CADPS: variants seen among roughly 807,000 people sequenced by gnomAD.
CADPS encodes the protein calcium dependent secretion activator, also known as calcium-dependent secretion activator 1.
In CADPS, 57 loss-of-function variants were observed where a neutral mutation model predicts 167.3. The observed-to-expected ratio is 0.34, with a 90% CI of 0.28 to 0.42. The LOEUF (loss-of-function observed/expected upper bound fraction) is 0.42. CADPS is among the 20% of genes least tolerant of loss of function. The pLI is 1.00. For synonymous variants in CADPS, 676 were observed against 635.3 expected, an observed-to-expected ratio of 1.06 and a Z score of -0.96; for missense variants, 1,414 against 1,738.1, an observed-to-expected ratio of 0.81 and a Z score of 3.32.
At chr3:62,817,859 A>G (rs986437223) in intron 1 of CADPS, among the ~76,000 whole-genome samples, 1 of 152,186 alleles carries the variant, frequency 6.6e-6, no homozygotes, top group East Asian at 1.9e-4. Flanking sequence ...TGCAGATTGC[A>G]TGTGGCCTTC....
chr3:62,812,896 G>A (rs1014312426), intron 1 of CADPS, among the ~76,000 whole-genome samples: 4 of 152,124 alleles, frequency 2.6e-5, no homozygotes, highest in African/African-American at 7.2e-5. Context: ...GAAATTAAAT[G>A]AGCTGTTTTC....
Position 62,438,081 on chromosome 3 carries a change from AG to A in CADPS, c.3777+22del. 2 of 1,516,754 alleles carry A rather than the reference AG, an allele frequency of 1.3e-6. No homozygotes were observed. The highest frequency in any genetic ancestry group is 2.3e-5 in the South Asian group (2 of 88,302). 94.0% of individuals were successfully genotyped at this position (1,516,754 alleles called of 1,614,324 possible). ...TGGAGGGTCTCCTCCTTGGTTTTCA[AG>A]GAGGAGAAGGCATTTACTTACATCA... On this transcript the variant is annotated intron_variant, in intron 28 of 29. Transcript: ENST00000383710. The surrounding 1 kb of genome is among the most constrained non-coding windows in gnomAD (Gnocchi z 4.7).
At position 62,585,236 on chromosome 3, in the gene CADPS, T is replaced by C. The variant is rs758600665; in HGVS notation, c.1526A>G (p.Lys509Arg). 1.2e-6 allele frequency: 2 copies of C among 1,614,072 alleles called. No individual in the cohort carries two copies. Among genetic ancestry groups the C allele is most frequent in the South Asian group, 1.1e-5 (1 of 91,080 alleles). The change falls in exon 8 of 30, where the codon AAA becomes AGA. Residue 509 changes from lysine (K) to arginine (R), a missense_variant. Lys to Arg is a conservative substitution (Grantham distance 26, BLOSUM62 2). Transcript: ENST00000383710. ...ATCCATTCGGACAGCAAGTTTGATT[T>C]TGAGATCTTGGTCGGGGCAGTTTTT... Reference protein sequence around the residue: ...VSKNCPDQDLKIKLAVRMDKP... With the variant: ...VSKNCPDQDLRIKLAVRMDKP...
chr3:62,852,112 G>T (rs9866730), intron 1 of CADPS, among the ~76,000 whole-genome samples: 19,329 of 147,622 alleles, frequency 0.13, 1,318 homozygotes, highest in African/African-American at 0.15. Flanking sequence ...TCGAGCCTTG[G>T]TTTTCAGCTC....
intron 3 of CADPS, among the ~76,000 whole-genome samples, chr3:62,731,835 A>AAAAAAAAAAAAAAAAAAAAG (rs568495417): frequency 9.1e-6 from 1 of 110,242 alleles, no homozygotes; most frequent in Non-Finnish European, 1.8e-5. Flanking sequence ...AAAAAAGTAA[A>AAAAAAAAAAAAAAAAAAAAG]GAAGGAAGAA....
rs1389969311 is a variant in CADPS, at chr3:62,753,233, G to A, written c.888+208C>T. ...CCTAGGGCCCCTGAGACTTTTAAGG[G>A]CTCATAAAAATGTTTTATTTATTTA... On this transcript the variant is annotated intron_variant, in intron 3 of 29. Transcript: ENST00000383710. The surrounding 1 kb of genome is among the most constrained non-coding windows in gnomAD (Gnocchi z 4.6). 6.6e-6 allele frequency among the ~76,000 whole-genome samples: 1 copy of A among 152,066 alleles called. No homozygotes were observed. The highest frequency in any genetic ancestry group is 2.4e-5 in the African/African-American group (1 of 41,384).
chr3:62,481,016 CCTAT>C (rs2061942140), intron 22 of CADPS, among the ~76,000 whole-genome samples: 1 of 152,052 alleles, frequency 6.6e-6, no homozygotes, highest in East Asian at 1.9e-4. Context: ...AAAGCATAGC[CCTAT>C]ATTCAGATGA....
At position 62,542,800 on chromosome 3, in the gene CADPS, AT is replaced by A. The variant is rs146008495; in HGVS notation, c.1967-6220del. Among the ~76,000 whole-genome samples, 463 of 152,286 alleles carry A rather than the reference AT, an allele frequency of 3.0e-3. 4 individuals carry two copies. The highest frequency in any genetic ancestry group is 0.011 in the African/African-American group (447 of 41,554). ...TATTTCAATGTTAATTTCTATAATTATTTGTCAGACAATTGCTTTGAGTAAA... is the reference window on the plus strand; with the variant it reads ...TATTTCAATGTTAATTTCTATAATTATTGTCAGACAATTGCTTTGAGTAAA... On this transcript the variant is annotated intron_variant, in intron 11 of 29. Transcript: ENST00000383710.
chr3:62,853,997 G>A (rs1412715700), intron 1 of CADPS, among the ~76,000 whole-genome samples: 1 of 152,080 alleles, frequency 6.6e-6, no homozygotes, highest in Non-Finnish European at 1.5e-5. Context: ...GACAAAGTAA[G>A]TAAAAAGAAA....
At chr3:62,797,372 C>T (rs148545282) in intron 1 of CADPS, among the ~76,000 whole-genome samples, 1 of 152,238 alleles carries the variant, frequency 6.6e-6, no homozygotes, top group African/African-American at 2.4e-5. Context: ...ACTTTGCATG[C>T]AGTAGACGCC....
intron 9 of CADPS, among the ~76,000 whole-genome samples, chr3:62,559,165 T>A (rs4447757): frequency 0.23 from 34,489 of 152,194 alleles, 4,647 homozygotes; most frequent in African/African-American, 0.37. Context: ...TTTGACACAC[T>A]TTCTAATATA....
intron 26 of CADPS, among the ~76,000 whole-genome samples, chr3:62,450,551 C>T (rs754923640): frequency 5.9e-5 from 9 of 152,286 alleles, no homozygotes; most frequent in Non-Finnish European, 1.3e-4. Flanking sequence ...TTCTGACCAT[C>T]CCCTCTGGTA....
intron 3 of CADPS, among the ~76,000 whole-genome samples, chr3:62,713,399 C>A (rs1449427318): frequency 6.6e-6 from 1 of 152,196 alleles, no homozygotes; most frequent in Non-Finnish European, 1.5e-5. Flanking sequence ...GACATGCCCA[C>A]CAAGGCCTTG....
chr3:62,622,862 C>G (rs1294566043), intron 6 of CADPS, among the ~76,000 whole-genome samples: 2 of 152,182 alleles, frequency 1.3e-5, no homozygotes. Flanking sequence ...ATTTTTAATC[C>G]TGCGCTTCCA....
intron 6 of CADPS, among the ~76,000 whole-genome samples, chr3:62,633,427 C>T (rs953683037): frequency 6.6e-6 from 1 of 152,158 alleles, no homozygotes; most frequent in Admixed American, 6.5e-5. Flanking sequence ...AGCCTCCTGC[C>T]TTGACCTCCA....
chr3:62,571,076 T>C, intron 8 of CADPS, 138 bp from the exon 9 acceptor site: 2 of 669,648 alleles, frequency 3.0e-6, no homozygotes, highest in Non-Finnish European at 5.4e-6. Context: ...TTTGGAGCTC[T>C]GTGGTTGAGC....
chr3:62,537,677 C>G (rs1403179392), intron 11 of CADPS, among the ~76,000 whole-genome samples: 1 of 152,006 alleles, frequency 6.6e-6, no homozygotes, highest in South Asian at 2.1e-4. Flanking sequence ...AAATCGATTT[C>G]TGACTTGGGA....
chr3:62,719,407 T>A (rs1300390914), intron 3 of CADPS, among the ~76,000 whole-genome samples: 2 of 152,324 alleles, frequency 1.3e-5, no homozygotes, highest in South Asian at 2.1e-4. Context: ...AAAGTACCCC[T>A]GACCCCACAG....
In CADPS at chr3:62,547,595, C is replaced by CCCT. The variant is rs1553906246; in HGVS notation, c.1966+2307_1966+2308insAGG. ...GGATGATATCATTTACGCCCCCCCC[C>CCCT]CCCCGCAAATTCTAACTCTTAGGAG... On this transcript the variant is annotated intron_variant, in intron 11 of 29. Transcript: ENST00000383710. Among the ~76,000 whole-genome samples, 358 of 112,658 alleles carry CCCT rather than the reference C, an allele frequency of 3.2e-3. 18 individuals are homozygous for CCCT. Among genetic ancestry groups the CCCT allele is most frequent in the African/African-American group, 0.013 (337 of 26,884 alleles). The allele number at this position is 112,658 out of a possible 152,430, so 73.9% of individuals were successfully genotyped here.
Sources: allele counts gnomAD v4.1 joint callset (sites outside exome capture counted in the v4.1 genomes callset), GRCh38; gene constraint gnomAD v4.1.1; non-coding constraint Gnocchi (gnomAD v3.1); transcripts MANE v1.5; gene names NCBI Gene and HGNC (gene_info 2026-07-23, HGNC 2026-07-21).